TEX26: variants seen among roughly 807,000 people sequenced by gnomAD.
The protein encoded by TEX26 is testis-expressed protein 26.
In TEX26, 34 loss-of-function variants were observed where a neutral mutation model predicts 35.3. That is an observed-to-expected ratio of 0.96 (90% CI 0.73 to 1.28). The LOEUF is 1.28. Ranked by LOEUF, TEX26 falls within the 50% of genes most tolerant of loss-of-function variation. The probability of loss-of-function intolerance (pLI) is 0.00; values close to 1 mark genes in which losing one functional copy is unlikely to be tolerated. For missense variants in TEX26, 371 were observed against 330.1 expected, an observed-to-expected ratio of 1.12 and a Z score of -0.96; for synonymous variants, 136 against 111.8, an observed-to-expected ratio of 1.22 and a Z score of -1.36.
At chr13:30,941,475 G>A (rs114019600) in intron 2 of TEX26, among the ~76,000 whole-genome samples, 1,961 of 152,290 alleles carry the variant, frequency 0.013, 44 homozygotes, top group African/African-American at 0.045. Context: ...TCTCACAAAA[G>A]TTTCAGTATA....
chr13:30,962,752 G>C (rs2138308402), intron 4 of TEX26, among the ~76,000 whole-genome samples: 1 of 152,350 alleles, frequency 6.6e-6, no homozygotes, highest in Middle Eastern at 3.4e-3. Flanking sequence ...GCAGCTGATA[G>C]ACAGCGGAGC....
intron 4 of TEX26, among the ~76,000 whole-genome samples, chr13:30,957,274 G>T (rs1954174809): frequency 6.6e-6 from 1 of 152,142 alleles, no homozygotes; most frequent in South Asian, 2.1e-4. Flanking sequence ...AGGCTTCCCT[G>T]CCTGGCCCAA....
intron 6 of TEX26, 136 bp downstream of exon 6, chr13:30,969,182 T>C: frequency 1.5e-6 from 1 of 680,676 alleles, no homozygotes; most frequent in South Asian, 2.3e-5. Flanking sequence ...AAAAAAAAAC[T>C]CATAGTGTTG....
rs185232411 is a variant in TEX26, at chr13:30,971,844, G to T, written c.808+2798G>T. On this transcript the variant is annotated intron_variant, in intron 6 of 6. Coordinates refer to ENST00000380473, the MANE Select transcript of TEX26 (RefSeq NM_152325.3). ...TTTTCCCCTAGTTGAAAGGTAAAAT[G>T]ATCTGATACCCAGTTTTCTGTGAAT... Among the ~76,000 whole-genome samples, 7 of 152,246 alleles carry T rather than the reference G, an allele frequency of 4.6e-5. No individual in the cohort carries two copies. The East Asian group carries it at 1.4e-3, about 29-fold the overall frequency.
chr13:30,951,609 G>T (rs185336862), intron 2 of TEX26, among the ~76,000 whole-genome samples: 2 of 152,070 alleles, frequency 1.3e-5, no homozygotes, highest in African/African-American at 4.8e-5. Context: ...ATCATCACTC[G>T]TTAGATACTG....
intron 2 of TEX26, 150 bp downstream of exon 2, chr13:30,939,928 A>C: frequency 1.5e-6 from 1 of 676,174 alleles, no homozygotes; most frequent in South Asian, 1.8e-5. Flanking sequence ...CCTCTGCTCC[A>C]AGCATCCGTG....
At position 30,934,948 on chromosome 13, in the gene TEX26, G is replaced by A. The variant is rs117815840; in HGVS notation, c.61+2172G>A. Among the ~76,000 whole-genome samples, 713 of 152,350 alleles carry A rather than the reference G, an allele frequency of 4.7e-3. 1 individual carries two copies. The highest frequency in any genetic ancestry group is 7.9e-3 in the Non-Finnish European group (537 of 68,016). ...TGAAGCAGGCAGGAGCCAGGGACAAGTGGGAGCTTTGCCTCTTCCAAGTTG... is the reference window on the plus strand; with the variant it reads ...TGAAGCAGGCAGGAGCCAGGGACAAATGGGAGCTTTGCCTCTTCCAAGTTG... On this transcript the variant is annotated intron_variant, in intron 1 of 6. Transcript: ENST00000380473.
intron 3 of TEX26, 24 bp from the exon 4 acceptor site, chr13:30,956,840 GGATTTTCTT>G (rs766001410): frequency 1.3e-6 from 2 of 1,598,774 alleles, no homozygotes; most frequent in Non-Finnish European, 1.7e-6. Flanking sequence ...GAACCCATAT[GGATTTTCTT>G]GAAAATTATG....
chr13:30,973,141 C>T (rs955516247), intron 6 of TEX26: 1 of 152,154 alleles, frequency 6.6e-6, no homozygotes, highest in East Asian at 1.9e-4. Context: ...AAATCTCCAT[C>T]AGCAGGAAAA....
intron 3 of TEX26, among the ~76,000 whole-genome samples, chr13:30,955,171 GC>G (rs1954080642): frequency 6.6e-6 from 1 of 152,192 alleles, no homozygotes; most frequent in African/African-American, 2.4e-5. Flanking sequence ...TAGCTGATGA[GC>G]TTTAAAAAAT....
At chr13:30,939,666 A>G (rs1454680901) in intron 1 of TEX26, 28 bp from the exon 2 acceptor site, 3 of 1,581,184 alleles carry the variant, frequency 1.9e-6, no homozygotes, top group Non-Finnish European at 2.6e-6. Flanking sequence ...GGTTTGCCAT[A>G]TTTAAAACTG....
intron 3 of TEX26, among the ~76,000 whole-genome samples, chr13:30,954,347 A>G (rs1183058091): frequency 7.1e-6 from 1 of 141,120 alleles, no homozygotes; most frequent in Non-Finnish European, 1.5e-5. Flanking sequence ...TCTCTTGGAG[A>G]TATACACATA....
At chr13:30,954,617 C>A (rs1038243783) in intron 3 of TEX26, among the ~76,000 whole-genome samples, 2 of 151,766 alleles carry the variant, frequency 1.3e-5, no homozygotes, top group African/African-American at 4.8e-5. Flanking sequence ...TGCCACCATG[C>A]CCAGCTAATT....
chr13:30,968,019 A>G (rs1954597486), intron 5 of TEX26, among the ~76,000 whole-genome samples: 1 of 152,222 alleles, frequency 6.6e-6, no homozygotes, highest in Admixed American at 6.5e-5. Context: ...TTTGTTTATT[A>G]AGTAGGCAGT....
chr13:30,940,951 A>G (rs926588255), intron 2 of TEX26, among the ~76,000 whole-genome samples: 12 of 152,132 alleles, frequency 7.9e-5, no homozygotes, highest in African/African-American at 2.7e-4. Flanking sequence ...ACAAACAAAC[A>G]AACAAAAATT....
chr13:30,932,951 GC>G (rs1953128941), intron 1 of TEX26, 175 bp downstream of exon 1: 2 of 632,014 alleles, frequency 3.2e-6, no homozygotes, highest in Admixed American at 3.0e-5. Context: ...TCATGACGCT[GC>G]CCCTTTTCAG....
intron 2 of TEX26, among the ~76,000 whole-genome samples, chr13:30,946,300 A>AT (rs1264461491): frequency 1.3e-5 from 2 of 151,528 alleles, no homozygotes; most frequent in East Asian, 1.9e-4. Flanking sequence ...AGAAGTTCTG[A>AT]TTTTTTTTAA....
intron 5 of TEX26, among the ~76,000 whole-genome samples, chr13:30,967,548 A>G (rs560118943): frequency 6.6e-6 from 1 of 152,310 alleles, no homozygotes; most frequent in African/African-American, 2.4e-5. Context: ...TATGCCTTCT[A>G]AGTCTTCTCT....
At chr13:30,968,176 C>T (rs1005139856) in intron 5 of TEX26, among the ~76,000 whole-genome samples, 1 of 152,088 alleles carries the variant, frequency 6.6e-6, no homozygotes, top group African/African-American at 2.4e-5. Context: ...AATATAAGAA[C>T]TCAAAGAAAT....
Sources: allele counts gnomAD v4.1 joint callset (sites outside exome capture counted in the v4.1 genomes callset), GRCh38; gene constraint gnomAD v4.1.1; transcripts MANE v1.5; gene names NCBI Gene and HGNC (gene_info 2026-07-23, HGNC 2026-07-21).